Variants in CCDC171 observed in about 807,000 individuals in gnomAD.
CCDC171 encodes coiled-coil domain containing 171.
A neutral mutation model predicts 168.2 loss-of-function variants in CCDC171; 177 were observed. The ratio of observed to expected loss-of-function variants is 1.05; its 90% CI spans 0.93 to 1.19. CCDC171 has a LOEUF of 1.19. Ranked by LOEUF, CCDC171 falls within the 50% of genes most tolerant of loss-of-function variation. The pLI, the probability that CCDC171 is intolerant of heterozygous loss-of-function variation, is 0.00. For synonymous variants in CCDC171, 687 were observed against 540.8 expected (o/e 1.27, Z -3.75); for missense variants, 1,991 against 1,539.0 (o/e 1.29, Z -4.91).
chr9:15,792,167 G>C (rs928520474), intron 21 of CCDC171, among the ~76,000 whole-genome samples: 1 of 151,620 alleles, frequency 6.6e-6, no homozygotes, highest in Non-Finnish European at 1.5e-5. Flanking sequence ...CAAGAACTAC[G>C]TGATGAATGC....
At chr9:15,595,185 A>C (rs1286547017) in intron 6 of CCDC171, among the ~76,000 whole-genome samples, 1 of 152,102 alleles carries the variant, frequency 6.6e-6, no homozygotes, top group Non-Finnish European at 1.5e-5. Context: ...TTTAGGGTAC[A>C]TGTGCACAGC....
intron 25 of CCDC171, among the ~76,000 whole-genome samples, chr9:15,964,235 A>T (rs1433136743): frequency 1.3e-5 from 2 of 152,178 alleles, no homozygotes; most frequent in African/African-American, 4.8e-5. Flanking sequence ...TTCTAATTAC[A>T]TTATTTTAAT....
At chr9:15,638,116 G>C (rs1306686603) in intron 7 of CCDC171, among the ~76,000 whole-genome samples, 1 of 151,948 alleles carries the variant, frequency 6.6e-6, no homozygotes, top group African/African-American at 2.4e-5. Flanking sequence ...ATAATACCAG[G>C]TCTCTGCTTT....
intron 6 of CCDC171, among the ~76,000 whole-genome samples, chr9:15,604,056 G>C (rs1208977028): frequency 6.7e-6 from 1 of 149,228 alleles, no homozygotes; most frequent in African/African-American, 2.5e-5. Context: ...CTTTTTTTTT[G>C]AGAAGTGTCT....
chr9:16,068,378 C>G, the CCDC171 span, among the ~76,000 whole-genome samples: 1 of 152,038 alleles, frequency 6.6e-6, no homozygotes, highest in Non-Finnish European at 1.5e-5. Flanking sequence ...AATGGCCATA[C>G]TGCCCAAGGT....
intron 11 of CCDC171, among the ~76,000 whole-genome samples, chr9:15,696,589 A>G (rs753609629): frequency 2.0e-4 from 30 of 152,208 alleles, no homozygotes; most frequent in Non-Finnish European, 4.0e-4. Flanking sequence ...ATTGAGATGT[A>G]TCAGTGGTGT....
chr9:15,623,334 G>T lies in CCDC171; in HGVS notation c.743G>T (p.Cys248Phe), dbSNP rs1047720026. Residue 248 changes from cysteine (C) to phenylalanine (F), a missense_variant, in exon 7 of 26, where the codon TGC (cysteine) becomes TTC (phenylalanine). By Grantham distance (205) the Cys-to-Phe change is radical. Coordinates refer to ENST00000380701, the MANE Select transcript of CCDC171 (RefSeq NM_173550.4). ...AAATTAGAAACAGAACATATGGACTGCTCTGACCTTTTACGGCGACAAACA... is the reference window on the plus strand; with the variant it reads ...AAATTAGAAACAGAACATATGGACTTCTCTGACCTTTTACGGCGACAAACA... ...VEKLETEHMD[C>F]SDLLRRQTSE... 2 of 1,611,462 alleles carry T rather than the reference G, an allele frequency of 1.2e-6. No homozygotes were observed. Among genetic ancestry groups the T allele is most frequent in the South Asian group, 1.1e-5 (1 of 90,674 alleles).
chr9:15,861,762 G>T (rs539443553), intron 23 of CCDC171, among the ~76,000 whole-genome samples: 1 of 151,840 alleles, frequency 6.6e-6, no homozygotes, highest in South Asian at 2.1e-4. Context: ...TTTTACATTA[G>T]AAATAAAAGT....
upstream of CCDC171, among the ~76,000 whole-genome samples, chr9:16,040,644 C>T (rs1258902963): frequency 6.6e-6 from 1 of 152,222 alleles, no homozygotes; most frequent in African/African-American, 2.4e-5. Flanking sequence ...AGGGTTAAAT[C>T]ATAGAGTGTT....
At chr9:15,888,156 G>C (rs1010606556) in intron 24 of CCDC171, 2 of 152,054 alleles carry the variant, frequency 1.3e-5, no homozygotes, top group Non-Finnish European at 2.9e-5. Flanking sequence ...CTGATTATTA[G>C]TATGGACTTA....
intron 25 of CCDC171, among the ~76,000 whole-genome samples, chr9:15,968,990 A>G (rs1402902978): frequency 6.6e-6 from 1 of 152,200 alleles, no homozygotes; most frequent in African/African-American, 2.4e-5. Context: ...TTTACTTTCT[A>G]GAGACTATAC....
chr9:15,969,844 C>G (rs1038235567), intron 25 of CCDC171, among the ~76,000 whole-genome samples: 30 of 152,136 alleles, frequency 2.0e-4, no homozygotes, highest in African/African-American at 5.3e-4. Flanking sequence ...ATGATTCTAG[C>G]AGCAGTAAAA....
At chr9:15,885,671 A>G (rs1819301772) in intron 24 of CCDC171, 1 of 152,184 alleles carries the variant, frequency 6.6e-6, no homozygotes, top group Non-Finnish European at 1.5e-5. Context: ...TTTTCTTTGC[A>G]TAATGCCTTG....
chr9:16,067,749 G>C, the CCDC171 span, among the ~76,000 whole-genome samples: 2 of 152,076 alleles, frequency 1.3e-5, no homozygotes, highest in Non-Finnish European at 2.9e-5. Flanking sequence ...TTTTTCTCAG[G>C]TTTGTCAAAG....
At chr9:15,655,018 A>T (rs753677861) in intron 7 of CCDC171, among the ~76,000 whole-genome samples, 1 of 152,072 alleles carries the variant, frequency 6.6e-6, no homozygotes, top group Non-Finnish European at 1.5e-5. Flanking sequence ...AACATCACAC[A>T]CCGGAGCCTG....
chr9:15,652,737 AGCTGATCACT>A (rs1189897531), intron 7 of CCDC171, among the ~76,000 whole-genome samples: 1 of 152,170 alleles, frequency 6.6e-6, no homozygotes, highest in Non-Finnish European at 1.5e-5. Flanking sequence ...CACCATGCTC[AGCTGATCACT>A]GTAGCTTTGT....
At chr9:15,749,784 G>T (rs960039294) in intron 18 of CCDC171, among the ~76,000 whole-genome samples, 1 of 152,098 alleles carries the variant, frequency 6.6e-6, no homozygotes, top group Non-Finnish European at 1.5e-5. Flanking sequence ...TGAGAACAAA[G>T]ACACAACATA....
chr9:15,623,072 C>G (rs912989132), intron 6 of CCDC171, among the ~76,000 whole-genome samples, 195 bp from the exon 7 acceptor site: 7 of 152,134 alleles, frequency 4.6e-5, no homozygotes, highest in Admixed American at 4.6e-4. Context: ...AATTCTAAAA[C>G]TTCAGTATTG....
At chr9:15,748,203 C>G (rs987678500) in intron 18 of CCDC171, among the ~76,000 whole-genome samples, 5 of 151,964 alleles carry the variant, frequency 3.3e-5, no homozygotes, top group Non-Finnish European at 7.4e-5. Context: ...CAGATTTGAT[C>G]AAGCGGAAGA....
Sources: gnomAD v4.1 joint callset for allele counts (sites outside exome capture counted in the v4.1 genomes callset) on GRCh38, gnomAD v4.1.1 for gene constraint, MANE v1.5 for transcripts, NCBI Gene and HGNC (gene_info 2026-07-23, HGNC 2026-07-21) for gene names.